The following PTPRR variants were observed in gnomAD, a reference collection of about 807,000 sequenced individuals.
The protein encoded by PTPRR is protein tyrosine phosphatase receptor type R.
A neutral mutation model predicts 77.2 loss-of-function variants in PTPRR; 38 were observed. The ratio of observed to expected loss-of-function variants is 0.49; its 90% CI spans 0.38 to 0.65. PTPRR has a LOEUF of 0.65. PTPRR is among the 30% of genes least tolerant of loss of function. The probability of loss-of-function intolerance (pLI) is 0.00; values close to 1 mark genes in which losing one functional copy is unlikely to be tolerated. For missense variants in PTPRR, 744 were observed against 799.2 expected (o/e 0.93, Z 0.83); for synonymous variants, 299 against 283.1 (o/e 1.06, Z -0.57).
At chr12:70,819,785 T>C (rs900508485) in intron 2 of PTPRR, among the ~76,000 whole-genome samples, 10 of 152,230 alleles carry the variant, frequency 6.6e-5, no homozygotes, top group Non-Finnish European at 8.8e-5. Flanking sequence ...GCATTGCTTT[T>C]GGTCAAACTT....
intron 1 of PTPRR, among the ~76,000 whole-genome samples, chr12:70,916,958 T>C (rs1378596078): frequency 1.3e-5 from 2 of 152,192 alleles, no homozygotes; most frequent in Admixed American, 6.5e-5. Context: ...TGTATTTTGT[T>C]AGCAAAACAT....
chr12:70,848,237 C>A (rs545498308), intron 2 of PTPRR, among the ~76,000 whole-genome samples: 1 of 152,290 alleles, frequency 6.6e-6, no homozygotes, highest in South Asian at 2.1e-4. Context: ...GAATAATCTC[C>A]ATTTGCAATA....
chr12:70,804,049 A>G (rs934534789), intron 2 of PTPRR, among the ~76,000 whole-genome samples: 1 of 151,874 alleles, frequency 6.6e-6, no homozygotes, highest in Non-Finnish European at 1.5e-5. Context: ...TGGAATTCAA[A>G]TAAGATAGTC....
At chr12:70,751,927 T>C (rs1890412738) in intron 5 of PTPRR, among the ~76,000 whole-genome samples, 1 of 152,174 alleles carries the variant, frequency 6.6e-6, no homozygotes, top group Non-Finnish European at 1.5e-5. Flanking sequence ...AAATTCATAA[T>C]GTCATGTATT....
intron 2 of PTPRR, among the ~76,000 whole-genome samples, chr12:70,832,629 C>A (rs1892234024): frequency 6.6e-6 from 1 of 152,034 alleles, no homozygotes; most frequent in South Asian, 2.1e-4. Context: ...GAGGAGAAAA[C>A]TGGGGTGGGG....
At chr12:70,916,651 AG>A (rs1893779818) in intron 1 of PTPRR, among the ~76,000 whole-genome samples, 1 of 151,698 alleles carries the variant, frequency 6.6e-6, no homozygotes, top group African/African-American at 2.4e-5. Context: ...TGGAGTTCTA[AG>A]GAACATCTTA....
rs565682193 is a variant in PTPRR, at chr12:70,743,139, C to T, written c.1007+2679G>A. 1.2e-4 allele frequency among the ~76,000 whole-genome samples: 18 copies of T among 152,142 alleles called. No homozygotes were observed. The South Asian group carries it at 3.7e-3, about 32-fold the overall frequency. Reference sequence around the variant, plus strand: ...AGAGAAGAGGACACAGAATGAAACTCTGAGGTTAACAAGAGAAGGGAATCT... The same window carrying T: ...AGAGAAGAGGACACAGAATGAAACTTTGAGGTTAACAAGAGAAGGGAATCT... On this transcript the variant is annotated intron_variant, in intron 6 of 13. Coordinates refer to ENST00000283228, the MANE Select transcript of PTPRR (RefSeq NM_002849.4).
At chr12:70,705,104 T>C (rs1888569954) in intron 6 of PTPRR, among the ~76,000 whole-genome samples, 1 of 152,142 alleles carries the variant, frequency 6.6e-6, no homozygotes, top group African/African-American at 2.4e-5. Context: ...AACAGCATGC[T>C]AATTATAATT....
chr12:70,804,139 C>CTGTCTGTGTG (rs750599108), intron 2 of PTPRR, among the ~76,000 whole-genome samples: 1 of 137,252 alleles, frequency 7.3e-6, no homozygotes, highest in African/African-American at 2.7e-5. Context: ...GTTCCTGGCT[C>CTGTCTGTGTG]TGTGTGTGTG....
Position 70,684,719 on chromosome 12 carries a change from A to G in PTPRR, c.1344T>C (p.Asn448=), listed in dbSNP as rs774335438. The G allele has an allele frequency of 2.4e-5, 38 of 1,597,598 alleles. No homozygotes were observed. The South Asian group carries it at 4.2e-4, about 18-fold the overall frequency. The change falls in exon 9 of 14, where the codon AAT becomes AAC. Residue 448 remains asparagine, a synonymous_variant. Coordinates refer to ENST00000283228, the MANE Select transcript of PTPRR (RefSeq NM_002849.4). ...ATTTACTTACCCTAATATAATTAGC[A>G]TTAATGTAGGTGCTCAATGAATCGG... The part of the protein sequence containing the change: ...NVTDSLSTYI[N]ANYIRGYSGK...
intron 2 of PTPRR, among the ~76,000 whole-genome samples, chr12:70,796,936 C>T (rs538298978): frequency 2.2e-4 from 34 of 152,078 alleles, no homozygotes; most frequent in African/African-American, 7.7e-4. Context: ...GAGAATCCCT[C>T]GAACCTAGGA....
Position 70,920,562 on chromosome 12 carries a change from A to G in PTPRR, c.-172T>C. 1 of 619,820 alleles carries G rather than the reference A, an allele frequency of 1.6e-6. No individual in the cohort carries two copies. Among genetic ancestry groups the G allele is most frequent in the Non-Finnish European group, 2.9e-6 (1 of 345,054 alleles). The allele number at this position is 619,820 out of a possible 1,614,324, so 38.4% of individuals were successfully genotyped here. A position where few individuals can be genotyped will look rare whatever the true frequency, so the allele number is the denominator to read the frequency against. ...CCGACAGAAACCAGCACCAGCTTCAACCTCCCTAAGAGAGGGAGAGAGGAA... is the reference window on the plus strand; with the variant it reads ...CCGACAGAAACCAGCACCAGCTTCAGCCTCCCTAAGAGAGGGAGAGAGGAA... On this transcript the variant is annotated 5_prime_UTR_variant, in exon 1 of 14. Transcript: ENST00000283228.
At chr12:70,681,336 C>G (rs1408511042) in intron 10 of PTPRR, among the ~76,000 whole-genome samples, 1 of 152,318 alleles carries the variant, frequency 6.6e-6, no homozygotes, top group African/African-American at 2.4e-5. Flanking sequence ...AATGTGGGCT[C>G]CTTCTCTGGG....
intron 6 of PTPRR, among the ~76,000 whole-genome samples, chr12:70,705,428 T>A (rs1044164417): frequency 3.3e-5 from 5 of 152,088 alleles, no homozygotes; most frequent in African/African-American, 7.2e-5. Context: ...GACATGCTAC[T>A]TTTTTTGCAG....
intron 2 of PTPRR, among the ~76,000 whole-genome samples, chr12:70,877,396 T>C (rs1036802976): frequency 5.9e-5 from 9 of 152,186 alleles, no homozygotes; most frequent in Non-Finnish European, 1.2e-4. Flanking sequence ...AGAACCATGA[T>C]AACTGACATA....
In PTPRR at chr12:70,750,243, C is replaced by T. The variant is rs534388935; in HGVS notation, c.738+3948G>A. Among the ~76,000 whole-genome samples the T allele has an allele frequency of 1.7e-4, 26 of 152,208 alleles. No homozygotes were observed. The South Asian group carries it at 5.0e-3, about 29-fold the overall frequency. On this transcript the variant is annotated intron_variant, in intron 5 of 13. Coordinates refer to ENST00000283228, the MANE Select transcript of PTPRR (RefSeq NM_002849.4). The stretch of plus-strand genomic sequence containing the variant: ...TGTTGTTGTTACATAGCACATACAA[C>T]CTTCCATTACAGCAATTTACCTATA...
At chr12:70,690,002 G>A (rs1888002354) in intron 8 of PTPRR, among the ~76,000 whole-genome samples, 1 of 152,160 alleles carries the variant, frequency 6.6e-6, no homozygotes, top group South Asian at 2.1e-4. Flanking sequence ...AGGAAGTGAT[G>A]CGCGTGACTT....
Position 70,638,996 on chromosome 12 carries a change from CA to C in PTPRR, c.*187del. The C allele has an allele frequency of 1.7e-6, 1 of 595,470 alleles. No individual in the cohort carries two copies. The highest frequency in any genetic ancestry group is 3.0e-6 in the Non-Finnish European group (1 of 335,402). The allele number at this position is 595,470 out of a possible 1,614,324, so 36.9% of individuals were successfully genotyped here. ...TTCAGAATAATTTGGGGGATGCTTA[CA>C]AATGCATTCATATACACAAGGAGCT... On this transcript the variant is annotated 3_prime_UTR_variant, in exon 14 of 14. Transcript: ENST00000283228.
At chr12:70,748,489 C>T (rs1195139115) in intron 5 of PTPRR, among the ~76,000 whole-genome samples, 5 of 152,124 alleles carry the variant, frequency 3.3e-5, no homozygotes, top group Non-Finnish European at 4.4e-5. Context: ...TTGCCTTCAT[C>T]TCCAAGAGCT....
Sources: allele counts gnomAD v4.1 joint callset (sites outside exome capture counted in the v4.1 genomes callset), GRCh38; gene constraint gnomAD v4.1.1; transcripts MANE v1.5; gene names NCBI Gene and HGNC (gene_info 2026-07-23, HGNC 2026-07-21).